FMNL2: variants seen among roughly 807,000 people sequenced by gnomAD.
The protein encoded by FMNL2 is formin like 2.
FMNL2 carries 51 observed loss-of-function variants against 130.2 expected under a neutral mutation model. The observed-to-expected ratio is 0.39, with a 90% CI of 0.31 to 0.49. The LOEUF (loss-of-function observed/expected upper bound fraction) is 0.49, where lower values mean the gene tolerates loss of function less well. Among genes scored for constraint, FMNL2 ranks in the 20% least tolerant of loss-of-function variants. FMNL2 has a pLI of 0.85. For synonymous variants in FMNL2, 465 were observed against 467.1 expected, an observed-to-expected ratio of 1.00 and a Z score of 0.06; for missense variants, 977 against 1,316.2, an observed-to-expected ratio of 0.74 and a Z score of 3.99.
At position 152,608,851 on chromosome 2, in the gene FMNL2, C is replaced by T. The variant is rs1409688341; in HGVS notation, c.951+1438C>T. Among the ~76,000 whole-genome samples, 6 of 152,088 alleles carry T rather than the reference C, an allele frequency of 3.9e-5. No individual in the cohort carries two copies. In the East Asian group the frequency reaches 9.7e-4, roughly 25 times the overall value. On this transcript the variant is annotated intron_variant, in intron 10 of 25. Transcript: ENST00000288670. The stretch of plus-strand genomic sequence containing the variant: ...TATGAGTTCAGTCTGACAGTGATGA[C>T]CCTACTTAAACAATTTGGACATGAT...
rs189498223 is a variant in FMNL2, at chr2:152,395,268, C to A, written c.117+59548C>A. 1.9e-3 allele frequency among the ~76,000 whole-genome samples: 288 copies of A among 152,268 alleles called. 4 individuals are homozygous for A. The highest frequency in any genetic ancestry group is 2.5e-4 in the Non-Finnish European group (17 of 68,028). On this transcript the variant is annotated intron_variant, in intron 1 of 25. Coordinates refer to ENST00000288670, the MANE Select transcript of FMNL2 (RefSeq NM_052905.4). Reference sequence around the variant, plus strand: ...CATGGTGCTGTGGGACATGAGGTGGCAAACCCTACACAAGAGTTAAAGAGA... The same window carrying A: ...CATGGTGCTGTGGGACATGAGGTGGAAAACCCTACACAAGAGTTAAAGAGA...
At chr2:152,517,284 T>C (rs1292023541) in intron 1 of FMNL2, among the ~76,000 whole-genome samples, 1 of 152,206 alleles carries the variant, frequency 6.6e-6, no homozygotes, top group African/African-American at 2.4e-5. Context: ...AGCTATAATA[T>C]AAATCCTAAT....
intron 1 of FMNL2, among the ~76,000 whole-genome samples, chr2:152,407,371 A>G (rs1001814421): frequency 2.0e-5 from 3 of 152,032 alleles, no homozygotes; most frequent in Non-Finnish European, 2.9e-5. Context: ...CGTTTGGGAG[A>G]AACCCTTCCA....
chr2:152,368,307 G>T (rs906024741), intron 1 of FMNL2, among the ~76,000 whole-genome samples: 2 of 151,896 alleles, frequency 1.3e-5, no homozygotes, highest in African/African-American at 4.8e-5. Flanking sequence ...TATTGCCTTT[G>T]GTCTCTGTTT....
intron 1 of FMNL2, among the ~76,000 whole-genome samples, chr2:152,459,050 C>T (rs189534746): frequency 6.5e-4 from 99 of 152,236 alleles, no homozygotes; most frequent in Admixed American, 5.8e-3. Flanking sequence ...TTGGTAATAA[C>T]CATTGTAATG....
In FMNL2 at chr2:152,443,383, G is replaced by A. The variant is rs568234229; in HGVS notation, c.118-78560G>A. On this transcript the variant is annotated intron_variant, in intron 1 of 25. Transcript: ENST00000288670. ...GATAGTTAACCCATTGGAGTAGATG[G>A]GATTAGCTAGGAAGGTAGGTGAGAA... is the stretch of plus-strand genomic sequence containing the variant. Among the ~76,000 whole-genome samples, 41 of 151,490 alleles carry A rather than the reference G, an allele frequency of 2.7e-4. 1 individual carries two copies. The South Asian group carries it at 7.3e-3, about 27-fold the overall frequency.
At chr2:152,559,738 C>A (rs1695420535) in intron 5 of FMNL2, among the ~76,000 whole-genome samples, 1 of 152,206 alleles carries the variant, frequency 6.6e-6, no homozygotes, top group South Asian at 2.1e-4. Context: ...CGAGTGATTT[C>A]AGGATGCCCT....
At chr2:152,468,007 C>A (rs1689645669) in intron 1 of FMNL2, among the ~76,000 whole-genome samples, 1 of 152,214 alleles carries the variant, frequency 6.6e-6, no homozygotes, top group African/African-American at 2.4e-5. Flanking sequence ...GGGCAGTTGG[C>A]CTCCAGAGCT....
chr2:152,468,763 G>C (rs1410144753), intron 1 of FMNL2, among the ~76,000 whole-genome samples: 1 of 152,080 alleles, frequency 6.6e-6, no homozygotes. Context: ...TGCTGTTTTA[G>C]AGCATAGATG....
At chr2:152,463,767 C>T (rs1689374765) in intron 1 of FMNL2, among the ~76,000 whole-genome samples, 1 of 152,220 alleles carries the variant, frequency 6.6e-6, no homozygotes, top group Non-Finnish European at 1.5e-5. Flanking sequence ...TATCCTAGAG[C>T]TCCCGGTACT....
chr2:152,576,578 A>G (rs1441716495), intron 7 of FMNL2, among the ~76,000 whole-genome samples: 1 of 152,202 alleles, frequency 6.6e-6, no homozygotes, highest in Non-Finnish European at 1.5e-5. Flanking sequence ...GCTAGTTAGT[A>G]GTGGAGTCAA....
chr2:152,516,074 T>C (rs1252666716), intron 1 of FMNL2, among the ~76,000 whole-genome samples: 1 of 152,162 alleles, frequency 6.6e-6, no homozygotes, highest in Non-Finnish European at 1.5e-5. Flanking sequence ...GAATTCATTG[T>C]GCTACCCAGC....
intron 25 of FMNL2, chr2:152,643,527 A>C: frequency 6.5e-7 from 1 of 1,535,730 alleles, no homozygotes; most frequent in Non-Finnish European, 8.7e-7. Context: ...ACTCTTTCTC[A>C]CCTGATGCTC....
intron 1 of FMNL2, among the ~76,000 whole-genome samples, chr2:152,377,465 A>G (rs997020423): frequency 3.9e-5 from 6 of 152,236 alleles, no homozygotes; most frequent in Non-Finnish European, 8.8e-5. Flanking sequence ...TTTCCTGTTC[A>G]ATATGGTAGC....
At chr2:152,564,935 C>T (rs931394482) in intron 6 of FMNL2, among the ~76,000 whole-genome samples, 4 of 152,032 alleles carry the variant, frequency 2.6e-5, no homozygotes, top group Non-Finnish European at 2.9e-5. Flanking sequence ...TCTGTATTAC[C>T]ATGTATTTGT....
intron 9 of FMNL2, among the ~76,000 whole-genome samples, chr2:152,606,993 G>A (rs910417660): frequency 2.9e-4 from 32 of 108,906 alleles, no homozygotes; most frequent in Admixed American, 2.9e-3. Flanking sequence ...AGCTATGGTC[G>A]TTTTTTTTTT....
chr2:152,619,589 C>T lies in FMNL2; in HGVS notation c.1708C>T (p.Pro570Ser), dbSNP rs1477757507. 8.3e-6 allele frequency: 13 copies of T among 1,567,798 alleles called. No individual in the cohort carries two copies. The Admixed American group carries it at 2.2e-4, about 27-fold the overall frequency. ...PPPPPPPPPP[P>S]PPPLPGPAAE... Reference sequence around the variant, plus strand: ...ACCTCCTCCTCCCCCACCGCCCCCTCCGCCTCCTCCTCTCCCAGGCCCTGC... The same window carrying T: ...ACCTCCTCCTCCCCCACCGCCCCCTTCGCCTCCTCCTCTCCCAGGCCCTGC... Residue 570 changes from proline to serine, a missense_variant, in exon 15 of 26, where the codon CCG becomes TCG. Physicochemically the swap from Pro to Ser is moderately conservative, Grantham distance 74 (BLOSUM62 -1). Coordinates refer to ENST00000288670, the MANE Select transcript of FMNL2 (RefSeq NM_052905.4).
At chr2:152,566,725 TGTTTGTGTACATGAG>T (rs1695860917) in intron 6 of FMNL2, among the ~76,000 whole-genome samples, 1 of 151,960 alleles carries the variant, frequency 6.6e-6, no homozygotes, top group Non-Finnish European at 1.5e-5. Flanking sequence ...TGTGTACACA[TGTTTGTGTACATGAG>T]CACATATATG....
At chr2:152,515,264 A>G (rs1692704194) in intron 1 of FMNL2, among the ~76,000 whole-genome samples, 1 of 152,060 alleles carries the variant, frequency 6.6e-6, no homozygotes, top group Non-Finnish European at 1.5e-5. Context: ...ATATTTGTGT[A>G]TTCATCTTCT....
Sources: allele counts gnomAD v4.1 joint callset (sites outside exome capture counted in the v4.1 genomes callset), GRCh38; gene constraint gnomAD v4.1.1; transcripts MANE v1.5; gene names NCBI Gene and HGNC (gene_info 2026-07-23, HGNC 2026-07-21).